PIGN: variants seen among roughly 807,000 people sequenced by gnomAD.
The protein encoded by PIGN is GPI ethanolamine phosphate transferase 1.
Under a neutral mutation model 125.4 loss-of-function variants are expected in PIGN, and 117 were observed. The ratio of observed to expected loss-of-function variants is 0.93; its 90% CI spans 0.80 to 1.09. The LOEUF is 1.09. Among genes scored for constraint, PIGN ranks in the 50% least tolerant of loss-of-function variants. The pLI is 0.00. For missense variants in PIGN, 1,075 were observed against 1,094.9 expected (o/e 0.98, Z 0.26); for synonymous variants, 392 against 377.8 (o/e 1.04, Z -0.44).
rs542445497 is a variant in PIGN, at chr18:62,103,993, C to T, written c.1860-1091G>A. ...ACAGACATCACAACCATGTTGTACA[C>T]GTTTGCTTTTTCCTTTAATTGTATC... On this transcript the variant is annotated intron_variant, in intron 20 of 30. Coordinates refer to ENST00000640252, the MANE Select transcript of PIGN (RefSeq NM_176787.5). 4.6e-5 allele frequency among the ~76,000 whole-genome samples: 7 copies of T among 152,194 alleles called. No homozygotes were observed. The South Asian group carries it at 1.5e-3, about 32-fold the overall frequency.
chr18:62,139,845 C>T (rs2036071685), intron 12 of PIGN, among the ~76,000 whole-genome samples: 1 of 152,172 alleles, frequency 6.6e-6, no homozygotes, highest in Admixed American at 6.5e-5. Flanking sequence ...GGGATCATGG[C>T]TGTGGTTCCT....
At chr18:62,076,938 GTT>G (rs1188636600) in intron 28 of PIGN, among the ~76,000 whole-genome samples, 1 of 152,180 alleles carries the variant, frequency 6.6e-6, no homozygotes, top group Non-Finnish European at 1.5e-5. Context: ...TCTAGCACTA[GTT>G]TTAGTGGTTG....
intron 14 of PIGN, chr18:62,135,619 C>CTT (rs72454339): frequency 0.22 from 15,118 of 68,676 alleles, 1,806 homozygotes; most frequent in Non-Finnish European, 0.3. Context: ...TTTTCTTTGT[C>CTT]TTTTTTTTTT....
chr18:62,085,005 G>T (rs1247482887), intron 26 of PIGN, among the ~76,000 whole-genome samples: 2 of 152,214 alleles, frequency 1.3e-5, no homozygotes, highest in African/African-American at 4.8e-5. Context: ...CTACTCGGGA[G>T]GCTGAGGCAT....
At chr18:62,135,464 T>C (rs888402043) in intron 14 of PIGN, among the ~76,000 whole-genome samples, 1 of 152,048 alleles carries the variant, frequency 6.6e-6, no homozygotes, top group Non-Finnish European at 1.5e-5. Context: ...GCTTTGAATA[T>C]GTATGTGCAG....
intron 10 of PIGN, among the ~76,000 whole-genome samples, chr18:62,145,418 C>G (rs2036289141): frequency 6.6e-6 from 1 of 152,078 alleles, no homozygotes; most frequent in African/African-American, 2.4e-5. Context: ...ATTCACTGTG[C>G]TCTTCTGTCT....
intron 26 of PIGN, 88 bp from the exon 27 acceptor site, chr18:62,084,694 C>A (rs1449333148): frequency 1.2e-6 from 1 of 857,358 alleles, no homozygotes; most frequent in Admixed American, 2.2e-5. Context: ...TAAACTAATT[C>A]TCTGAAATCT....
rs572728888 is a variant in PIGN, at chr18:62,167,728, T to A, written c.-235-4072A>T. Reference sequence around the variant, plus strand: ...TATATATATATACACACACACACAATAGAAGTGTAGTGATAACTTATTGTA... The same window carrying A: ...TATATATATATACACACACACACAAAAGAAGTGTAGTGATAACTTATTGTA... On this transcript the variant is annotated intron_variant, in intron 1 of 30. Transcript: ENST00000640252. Among the ~76,000 whole-genome samples the A allele has an allele frequency of 3.0e-4, 45 of 150,754 alleles. No individual in the cohort carries two copies. In the South Asian group the frequency reaches 5.4e-3, roughly 18 times the overall value.
intron 23 of PIGN, among the ~76,000 whole-genome samples, chr18:62,022,269 G>A (rs1412240544): frequency 1.3e-5 from 2 of 152,202 alleles, no homozygotes; most frequent in Admixed American, 6.5e-5. Context: ...GTCAAGGAGA[G>A]GTAACTTGGA....
chr18:62,144,287 T>C (rs2036240571), intron 10 of PIGN, among the ~76,000 whole-genome samples: 2 of 152,230 alleles, frequency 1.3e-5, no homozygotes, highest in African/African-American at 4.8e-5. Flanking sequence ...CTAATCCATT[T>C]ACCACAGAGC....
chr18:62,062,873 T>C (rs1402297032), intron 30 of PIGN, among the ~76,000 whole-genome samples: 29 of 147,086 alleles, frequency 2.0e-4, no homozygotes, highest in African/African-American at 6.3e-4. Context: ...TTTATGCTTT[T>C]GTATTCTGCT....
chr18:62,071,153 T>C (rs1362005393), intron 30 of PIGN, among the ~76,000 whole-genome samples: 1 of 152,214 alleles, frequency 6.6e-6, no homozygotes, highest in East Asian at 1.9e-4. Context: ...AAGGTTACCA[T>C]ATTAAAGATT....
intron 14 of PIGN, among the ~76,000 whole-genome samples, chr18:62,130,778 T>A (rs2035704628): frequency 6.6e-6 from 1 of 152,170 alleles, no homozygotes; most frequent in Admixed American, 6.5e-5. Flanking sequence ...CATCTACACA[T>A]GACCTAATAT....
chr18:62,038,308 G>GTTTTTTT (rs34436733), downstream of PIGN, among the ~76,000 whole-genome samples: 6 of 120,086 alleles, frequency 5.0e-5, no homozygotes, highest in African/African-American at 1.3e-4. Flanking sequence ...CCCCCTCCGT[G>GTTTTTTT]TTTTTTTTTT....
chr18:62,174,909 C>A (rs1044763188), intron 1 of PIGN, among the ~76,000 whole-genome samples: 2 of 144,392 alleles, frequency 1.4e-5, no homozygotes, highest in Non-Finnish European at 3.0e-5. Flanking sequence ...ATCCCCTCCC[C>A]CTCAAAAAAG....
At chr18:62,131,204 G>T (rs1260664395) in intron 14 of PIGN, among the ~76,000 whole-genome samples, 3 of 151,968 alleles carry the variant, frequency 2.0e-5, no homozygotes, top group African/African-American at 7.2e-5. Context: ...AGAAAATACA[G>T]TTTTTTGTTA....
At chr18:62,152,205 A>G (rs2036561955) in intron 7 of PIGN, among the ~76,000 whole-genome samples, 1 of 152,186 alleles carries the variant, frequency 6.6e-6, no homozygotes, top group South Asian at 2.1e-4. Context: ...CTGGGTTAAG[A>G]TAAGAGATTG....
chr18:62,138,379 T>G, intron 13 of PIGN, 81 bp from the exon 14 acceptor site: 1 of 1,466,652 alleles, frequency 6.8e-7, no homozygotes. Context: ...TTAAAATGAT[T>G]CTTTAGGGAT....
intron 30 of PIGN, among the ~76,000 whole-genome samples, chr18:62,062,763 T>C (rs2032230041): frequency 6.6e-6 from 1 of 152,062 alleles, no homozygotes; most frequent in Non-Finnish European, 1.5e-5. Context: ...CCTTTTCTCA[T>C]GGCTAGTACC....
Sources: allele counts gnomAD v4.1 joint callset (sites outside exome capture counted in the v4.1 genomes callset), GRCh38; gene constraint gnomAD v4.1.1; transcripts MANE v1.5; gene names NCBI Gene and HGNC (gene_info 2026-07-23, HGNC 2026-07-21).